The following CORIN variants were observed in gnomAD, a reference collection of about 807,000 sequenced individuals.
CORIN encodes the protein corin, serine peptidase.
CORIN carries 117 observed loss-of-function variants against 125.3 expected under a neutral mutation model. That is an observed-to-expected ratio of 0.93 (90% CI 0.80 to 1.09). CORIN has a LOEUF of 1.09. CORIN is among the 50% of genes least tolerant of loss of function. The pLI, the probability that CORIN is intolerant of heterozygous loss-of-function variation, is 0.00. For synonymous variants in CORIN, 450 were observed against 466.4 expected (o/e 0.96, Z 0.45); for missense variants, 1,253 against 1,306.7 (o/e 0.96, Z 0.63).
intron 2 of CORIN, among the ~76,000 whole-genome samples, chr4:47,804,291 G>C (rs1445470735): frequency 6.6e-6 from 1 of 152,164 alleles, no homozygotes; most frequent in Non-Finnish European, 1.5e-5. Flanking sequence ...ATAAAGAACA[G>C]TTTGGACATT....
intron 5 of CORIN, among the ~76,000 whole-genome samples, chr4:47,702,727 A>T (rs1390839286): frequency 6.6e-6 from 1 of 152,190 alleles, no homozygotes; most frequent in East Asian, 1.9e-4. Flanking sequence ...GAAATAGAAA[A>T]AAAACATACT....
chr4:47,826,443 T>TTA, intron 1 of CORIN, among the ~76,000 whole-genome samples: 1 of 152,382 alleles, frequency 6.6e-6, no homozygotes, highest in Non-Finnish European at 1.5e-5. Flanking sequence ...AGTCAAGGTG[T>TTA]TATCAAGGCT....
intron 20 of CORIN, 57 bp from the exon 21 acceptor site, chr4:47,600,404 G>C: frequency 8.3e-7 from 1 of 1,209,104 alleles, no homozygotes; most frequent in Non-Finnish European, 1.1e-6. Context: ...CAAAAGTGAG[G>C]CTAGTGAGGC....
chr4:47,699,667 G>A (rs1180519486), intron 5 of CORIN, among the ~76,000 whole-genome samples: 3 of 152,168 alleles, frequency 2.0e-5, no homozygotes, highest in Non-Finnish European at 2.9e-5. Flanking sequence ...ATAAATGATC[G>A]TTCCTATTTA....
intron 5 of CORIN, among the ~76,000 whole-genome samples, chr4:47,729,110 T>G (rs961635737): frequency 6.6e-6 from 1 of 152,102 alleles, no homozygotes; most frequent in Non-Finnish European, 1.5e-5. Context: ...GTATGTGGCA[T>G]AGCAAAGTCA....
intron 1 of CORIN, among the ~76,000 whole-genome samples, chr4:47,817,738 G>C (rs576996677): frequency 1.4e-4 from 21 of 152,236 alleles, no homozygotes; most frequent in African/African-American, 5.1e-4. Context: ...CTACATTCAG[G>C]GCCATGGAAA....
intron 1 of CORIN, among the ~76,000 whole-genome samples, chr4:47,809,933 C>G (rs562856377): frequency 6.6e-6 from 1 of 152,228 alleles, no homozygotes; most frequent in South Asian, 2.1e-4. Context: ...AATAAACAAC[C>G]AGAATCATCC....
intron 19 of CORIN, among the ~76,000 whole-genome samples, chr4:47,618,341 AAAAGG>A (rs1395773992): frequency 2.8e-5 from 4 of 143,620 alleles, no homozygotes; most frequent in African/African-American, 5.1e-5. Context: ...TCAAAAAAAA[AAAAGG>A]AAAGGAAAGG....
At chr4:47,725,513 T>C (rs2109804907) in intron 5 of CORIN, among the ~76,000 whole-genome samples, 1 of 152,076 alleles carries the variant, frequency 6.6e-6, no homozygotes, top group Non-Finnish European at 1.5e-5. Flanking sequence ...AAAAGCAATT[T>C]AATAGGAGAA....
chr4:47,770,886 G>A (rs1038134853), intron 3 of CORIN, among the ~76,000 whole-genome samples: 1 of 152,046 alleles, frequency 6.6e-6, no homozygotes, highest in Non-Finnish European at 1.5e-5. Flanking sequence ...ATAAGGGTGA[G>A]GATTGCAATA....
At position 47,680,134 on chromosome 4, in the gene CORIN, C is replaced by A. The variant is rs751695384; in HGVS notation, c.1132+7G>T. 1.3e-6 allele frequency: 2 copies of A among 1,580,324 alleles called. No homozygotes were observed. The highest frequency in any genetic ancestry group is 1.7e-5 in the Admixed American group (1 of 59,934). On this transcript the variant is annotated splice_region_variant and intron_variant, in intron 8 of 21. Transcript: ENST00000273857. ...ATAAGCAAAACAAACGTCCTCAGAGCACTCACAGCAGTTGACCTCGTCAGA... is the reference window on the plus strand; with the variant it reads ...ATAAGCAAAACAAACGTCCTCAGAGAACTCACAGCAGTTGACCTCGTCAGA...
intron 13 of CORIN, among the ~76,000 whole-genome samples, chr4:47,648,532 C>T (rs1577781413): frequency 6.6e-6 from 1 of 152,114 alleles, no homozygotes; most frequent in South Asian, 2.1e-4. Context: ...AACAGGCTGC[C>T]CTGACAGAGG....
intron 10 of CORIN, among the ~76,000 whole-genome samples, chr4:47,667,455 C>T (rs562278365): frequency 5.0e-4 from 76 of 152,230 alleles, no homozygotes; most frequent in African/African-American, 1.6e-3. Context: ...TGGTAAAATT[C>T]GCCCAGGCAG....
At chr4:47,750,850 G>A (rs1413675818) in intron 4 of CORIN, among the ~76,000 whole-genome samples, 1 of 152,194 alleles carries the variant, frequency 6.6e-6, no homozygotes, top group Non-Finnish European at 1.5e-5. Flanking sequence ...GGATGGAGGA[G>A]AGTGGAAAGT....
At chr4:47,822,887 C>T (rs893954893) in intron 1 of CORIN, among the ~76,000 whole-genome samples, 2 of 151,346 alleles carry the variant, frequency 1.3e-5, no homozygotes, top group African/African-American at 4.9e-5. Context: ...GCGATATCGG[C>T]TCACTGCAAC....
chr4:47,643,266 G>A lies in CORIN; in HGVS notation c.1958-10C>T. The A allele has an allele frequency of 1.9e-6, 3 of 1,580,340 alleles. No individual in the cohort carries two copies. The highest frequency in any genetic ancestry group is 2.3e-5 in the East Asian group (1 of 44,262). ...TCATCTTGGCAAAATGCTGGCATGG[G>A]GAACAAAAAGTGAGAAGGAAAACAT... is the stretch of plus-strand genomic sequence containing the variant. On this transcript the variant is annotated splice_polypyrimidine_tract_variant and intron_variant, in intron 14 of 21. Transcript: ENST00000273857.
At chr4:47,753,391 G>C (rs974941312) in intron 4 of CORIN, among the ~76,000 whole-genome samples, 3 of 152,126 alleles carry the variant, frequency 2.0e-5, no homozygotes, top group Admixed American at 1.3e-4. Context: ...AACAGGGTTC[G>C]AGAGCAGAGA....
At position 47,724,830 on chromosome 4, in the gene CORIN, T is replaced by C. The variant is rs185402062; in HGVS notation, c.799+19572A>G. 1.1e-4 allele frequency among the ~76,000 whole-genome samples: 17 copies of C among 152,312 alleles called. No individual in the cohort carries two copies. In the East Asian group the frequency reaches 3.3e-3, roughly 29 times the overall value. On this transcript the variant is annotated intron_variant, in intron 5 of 21. Coordinates refer to ENST00000273857, the MANE Select transcript of CORIN (RefSeq NM_006587.4). ...TACCTGATTAGGTCTACTGAGGATA[T>C]TCTACCTTTCTTAAAGTCAGCTGTG...
chr4:47,717,792 G>A (rs1361538257), intron 5 of CORIN, among the ~76,000 whole-genome samples: 1 of 152,154 alleles, frequency 6.6e-6, no homozygotes, highest in East Asian at 1.9e-4. Flanking sequence ...GAAAAAAAGA[G>A]AGGCACTGTA....
Sources: allele counts gnomAD v4.1 joint callset (sites outside exome capture counted in the v4.1 genomes callset), GRCh38; gene constraint gnomAD v4.1.1; transcripts MANE v1.5; gene names NCBI Gene and HGNC (gene_info 2026-07-23, HGNC 2026-07-21).